TSHZ1: variants seen among roughly 807,000 people sequenced by gnomAD.
The protein encoded by TSHZ1 is teashirt homolog 1.
TSHZ1 carries 12 observed loss-of-function variants against 67.1 expected under a neutral mutation model. The observed-to-expected ratio is 0.18, with a 90% CI of 0.11 to 0.29. TSHZ1 has a LOEUF of 0.29. Among genes scored for constraint, TSHZ1 ranks in the 10% least tolerant of loss-of-function variants. The probability of loss-of-function intolerance (pLI) is 1.00; values close to 1 mark genes in which losing one functional copy is unlikely to be tolerated. For missense variants in TSHZ1, 1,305 were observed against 1,413.9 expected (o/e 0.92, Z 1.23); for synonymous variants, 632 against 622.4 (o/e 1.02, Z -0.23).
intron 1 of TSHZ1, chr18:75,283,256 A>G (rs2023708703): frequency 6.6e-6 from 1 of 152,320 alleles, no homozygotes; most frequent in Admixed American, 6.5e-5. Flanking sequence ...CCAAGCCAAC[A>G]TGGCCCAGGC....
intron 1 of TSHZ1, among the ~76,000 whole-genome samples, chr18:75,221,713 G>A (rs1464266357): frequency 6.6e-6 from 1 of 152,194 alleles, no homozygotes; most frequent in Admixed American, 6.5e-5. Context: ...ATAAGAGCCT[G>A]CCCTGCTTCA....
intron 1 of TSHZ1, among the ~76,000 whole-genome samples, chr18:75,227,011 C>T (rs538666895): frequency 4.6e-5 from 7 of 152,274 alleles, no homozygotes; most frequent in African/African-American, 7.2e-5. Context: ...CACAAGCCCC[C>T]GGCTCTGTAG....
Position 75,211,749 on chromosome 18 carries a change from C to T in TSHZ1, c.-128C>T, listed in dbSNP as rs1298861312. On this transcript the variant is annotated 5_prime_UTR_variant, in exon 1 of 2. Transcript: ENST00000580243. ...CCGCGGTCCGCGGCGCGCCCGGAGC[C>T]CGGAGCCCGCGGGGACGAGGCCAAA... 6.3e-6 allele frequency: 3 copies of T among 476,962 alleles called. No homozygotes were observed. The highest frequency in any genetic ancestry group is 8.2e-6 in the Non-Finnish European group (3 of 367,562). The allele number at this position is 476,962 out of a possible 1,614,324, so 29.5% of individuals were successfully genotyped here.
chr18:75,234,557 TGCTAGG>T (rs1293005369), intron 1 of TSHZ1, among the ~76,000 whole-genome samples: 2 of 152,156 alleles, frequency 1.3e-5, no homozygotes, highest in East Asian at 3.9e-4. Flanking sequence ...ATAACTGCTT[TGCTAGG>T]GCTTCTGCAT....
chr18:75,262,352 T>C (rs4891252), intron 1 of TSHZ1, among the ~76,000 whole-genome samples: 84,917 of 152,062 alleles, frequency 0.56, 24,124 homozygotes, highest in South Asian at 0.69. Flanking sequence ...CTGAGTCATA[T>C]TAAAGATAAT....
rs770654656 is a variant in TSHZ1, at chr18:75,287,374, A to G, written c.1967A>G (p.Glu656Gly). Residue 656 changes from glutamate to glycine, a missense_variant, in exon 2 of 2, where the codon GAG becomes GGG. Glu to Gly is a moderately conservative substitution (Grantham distance 98). Around this residue, in one of 3 missense-constraint regions of TSHZ1, gnomAD observed 909 missense variants for 961.8 expected, o/e 0.95. Transcript: ENST00000580243. This position sits in a 1 kb window ranked among gnomAD's most constrained non-coding sequence, Gnocchi z 5.0. ...VTGKVNIKKE[E>G]RPPEKEKSSL... ...GGCAAGGTCAACATCAAGAAGGAGG[A>G]GAGACCCCCTGAGAAGGAGAAGAGC... is the stretch of plus-strand genomic sequence containing the variant. 3 of 1,614,098 alleles carry G rather than the reference A, an allele frequency of 1.9e-6. No individual in the cohort carries two copies. The East Asian group carries it at 6.7e-5, about 36-fold the overall frequency.
At chr18:75,279,806 G>T (rs772316709) in intron 1 of TSHZ1, among the ~76,000 whole-genome samples, 1 of 152,140 alleles carries the variant, frequency 6.6e-6, no homozygotes, top group Non-Finnish European at 1.5e-5. Context: ...GCCATTCTCC[G>T]TGCTCCCCAG....
Position 75,237,883 on chromosome 18 carries a change from C to G in TSHZ1, c.40+25967C>G, listed in dbSNP as rs187823447. The stretch of plus-strand genomic sequence containing the variant: ...GCTGGAGTGCAGTGGCGTGATCTCG[C>G]CTCTCTGCAACCTCCGCCTCCTGGG... On this transcript the variant is annotated intron_variant, in intron 1 of 1. Transcript: ENST00000580243. 2.0e-3 allele frequency among the ~76,000 whole-genome samples: 299 copies of G among 151,952 alleles called. 2 individuals carry two copies. The South Asian group carries it at 0.026, about 13-fold the overall frequency.
chr18:75,274,470 A>G (rs1246773100), intron 1 of TSHZ1, among the ~76,000 whole-genome samples: 1 of 152,134 alleles, frequency 6.6e-6, no homozygotes, highest in African/African-American at 2.4e-5. Context: ...AAAAGATTGT[A>G]TTCATTCCCC....
chr18:75,249,518 C>T (rs147341207), intron 1 of TSHZ1, among the ~76,000 whole-genome samples: 14 of 151,922 alleles, frequency 9.2e-5, no homozygotes, highest in Admixed American at 3.3e-4. Context: ...CTCATCTCAC[C>T]CCTGAAGTAG....
intron 1 of TSHZ1, among the ~76,000 whole-genome samples, chr18:75,223,124 G>A (rs560010478): frequency 1.2e-4 from 18 of 152,244 alleles, no homozygotes; most frequent in East Asian, 3.9e-4. Context: ...TTATTCCTCC[G>A]TTCTTCCTCT....
At position 75,286,928 on chromosome 18, in the gene TSHZ1, G is replaced by A. The variant is rs779857751; in HGVS notation, c.1521G>A (p.Pro507=). Residue 507 remains proline (P), a synonymous_variant, in exon 2 of 2, where the codon CCG becomes CCA. Coordinates refer to ENST00000580243, the MANE Select transcript of TSHZ1 (RefSeq NM_001308210.2). The surrounding 1 kb of genome is among the most constrained non-coding windows in gnomAD (Gnocchi z 5.1). ...AGAAAGAGCCAGAGAAGGAGAAGCC[G>A]CCTGTGGCTGGCGACGCGGAGAAGA... is the stretch of plus-strand genomic sequence containing the variant. ...EEKKEPEKEK[P]PVAGDAEKIK... 318 of 1,614,008 alleles carry A rather than the reference G, an allele frequency of 2.0e-4. No homozygotes were observed. The highest frequency in any genetic ancestry group is 2.4e-4 in the Non-Finnish European group (283 of 1,180,020).
At chr18:75,222,608 A>G (rs986350344) in intron 1 of TSHZ1, among the ~76,000 whole-genome samples, 2 of 152,138 alleles carry the variant, frequency 1.3e-5, no homozygotes, top group Admixed American at 6.5e-5. Context: ...TCCTGAGATC[A>G]TGGGAGGGGG....
intron 1 of TSHZ1, among the ~76,000 whole-genome samples, chr18:75,230,336 G>C (rs1256921633): frequency 6.6e-6 from 1 of 152,140 alleles, no homozygotes; most frequent in Non-Finnish European, 1.5e-5. Context: ...GTCCCTGCTG[G>C]AGCAGCGTGT....
In TSHZ1 at chr18:75,223,781, A is replaced by G. The variant is rs897376865; in HGVS notation, c.40+11865A>G. Among the ~76,000 whole-genome samples, 8 of 152,062 alleles carry G rather than the reference A, an allele frequency of 5.3e-5. No homozygotes were observed. The East Asian group carries it at 5.8e-4, about 11-fold the overall frequency. The stretch of plus-strand genomic sequence containing the variant: ...AAGCAGTAAAAATGAGCACTAATCA[A>G]TCTTCCAGAGAGAAGCAATGGGCAT... On this transcript the variant is annotated intron_variant, in intron 1 of 1. Coordinates refer to ENST00000580243, the MANE Select transcript of TSHZ1 (RefSeq NM_001308210.2).
At chr18:75,217,259 T>A (rs1380257451) in intron 1 of TSHZ1, among the ~76,000 whole-genome samples, 1 of 152,246 alleles carries the variant, frequency 6.6e-6, no homozygotes, top group Non-Finnish European at 1.5e-5. Context: ...ATTGTGTGAA[T>A]TCACATTTGC....
At chr18:75,226,477 C>G (rs1425292907) in intron 1 of TSHZ1, among the ~76,000 whole-genome samples, 3 of 152,110 alleles carry the variant, frequency 2.0e-5, no homozygotes, top group Non-Finnish European at 4.4e-5. Context: ...TAATAATTGA[C>G]TAATGTAGCT....
At chr18:75,240,803 T>C (rs2023146153) in intron 1 of TSHZ1, among the ~76,000 whole-genome samples, 1 of 152,200 alleles carries the variant, frequency 6.6e-6, no homozygotes, top group Admixed American at 6.5e-5. Context: ...AAGGATCCCA[T>C]TGCACAATGT....
chr18:75,249,866 C>T (rs1194260254), intron 1 of TSHZ1, among the ~76,000 whole-genome samples: 1 of 151,206 alleles, frequency 6.6e-6, no homozygotes, highest in Admixed American at 6.6e-5. Context: ...TGACTTCCTC[C>T]TCCCTGCCTC....
Sources: gnomAD v4.1 joint callset for allele counts (sites outside exome capture counted in the v4.1 genomes callset) on GRCh38, gnomAD v4.1.1 for gene constraint, gnomAD v4.1.1 regional missense constraint, Gnocchi (gnomAD v3.1) non-coding constraint, MANE v1.5 for transcripts, NCBI Gene and HGNC (gene_info 2026-07-23, HGNC 2026-07-21) for gene names.